The following CCDC102B variants were observed in gnomAD, a reference collection of about 807,000 sequenced individuals.
CCDC102B encodes the protein coiled-coil domain-containing protein 102B.
Under a neutral mutation model 57.4 loss-of-function variants are expected in CCDC102B, and 75 were observed. The ratio of observed to expected loss-of-function variants is 1.31; its 90% CI spans 1.08 to 1.58. CCDC102B has a LOEUF of 1.58. Ranked by LOEUF, CCDC102B falls within the 40% of genes most tolerant of loss-of-function variation. The pLI is 0.00. For synonymous variants in CCDC102B, 206 were observed against 201.9 expected (o/e 1.02, Z -0.17); for missense variants, 636 against 582.6 (o/e 1.09, Z -0.94).
intron 5 of CCDC102B, among the ~76,000 whole-genome samples, chr18:68,876,665 G>T (rs2039460791): frequency 6.6e-6 from 1 of 152,134 alleles, no homozygotes; most frequent in Non-Finnish European, 1.5e-5. Flanking sequence ...ATGGTTACAT[G>T]ATTTTGGAGC....
At chr18:68,871,994 A>G (rs941323075) in intron 4 of CCDC102B, among the ~76,000 whole-genome samples, 7 of 152,298 alleles carry the variant, frequency 4.6e-5, no homozygotes, top group African/African-American at 1.4e-4. Flanking sequence ...GGAGAGAAGT[A>G]ACTGGATTTA....
At chr18:68,880,152 C>T (rs2039628867) in intron 5 of CCDC102B, among the ~76,000 whole-genome samples, 1 of 152,210 alleles carries the variant, frequency 6.6e-6, no homozygotes, top group Non-Finnish European at 1.5e-5. Context: ...CCCAAGGCAG[C>T]TAAGGCCCGG....
intron 6 of CCDC102B, among the ~76,000 whole-genome samples, chr18:68,996,656 C>T (rs2051036491): frequency 6.6e-6 from 1 of 152,170 alleles, no homozygotes; most frequent in Admixed American, 6.5e-5. Flanking sequence ...GCTGTATTTA[C>T]CCAATACCTT....
chr18:68,873,219 G>A (rs887334308), intron 4 of CCDC102B, among the ~76,000 whole-genome samples: 9 of 152,002 alleles, frequency 5.9e-5, no homozygotes, highest in African/African-American at 2.2e-4. Flanking sequence ...TAACTCTGTG[G>A]TATTATCTCT....
At chr18:68,910,355 GC>G (rs1182679020) in intron 6 of CCDC102B, among the ~76,000 whole-genome samples, 1 of 152,140 alleles carries the variant, frequency 6.6e-6, no homozygotes, top group Admixed American at 6.5e-5. Flanking sequence ...AACATGGAGA[GC>G]AACTCTTTTT....
chr18:68,823,206 C>T (rs551770199), intron 1 of CCDC102B, among the ~76,000 whole-genome samples: 3 of 152,310 alleles, frequency 2.0e-5, no homozygotes, highest in South Asian at 2.1e-4. Flanking sequence ...ATAGGTGTTA[C>T]CAAATTCTTT....
rs370669359 is a variant in CCDC102B, at chr18:68,925,307, A to G, written c.1263+27879A>G. Among the ~76,000 whole-genome samples, 314 of 152,134 alleles carry G rather than the reference A, an allele frequency of 2.1e-3. 2 individuals are homozygous for G. The highest frequency in any genetic ancestry group is 7.3e-3 in the African/African-American group (304 of 41,532). On this transcript the variant is annotated intron_variant, in intron 6 of 7. Transcript: ENST00000360242. ...ACCACTCCCCAGAGTCTGATAAATCAATCTGGCTTGCTGTGATGGTATCAG... is the reference window on the plus strand; with the variant it reads ...ACCACTCCCCAGAGTCTGATAAATCGATCTGGCTTGCTGTGATGGTATCAG...
In CCDC102B at chr18:68,874,674, C is replaced by T; in HGVS notation, c.942C>T (p.Asp314=). Residue 314 remains aspartate (D), a synonymous_variant, in exon 5 of 8, where the codon GAC becomes GAT. Coordinates refer to ENST00000360242, the MANE Select transcript of CCDC102B (RefSeq NM_024781.3). ...ESKPKNVKEF[D]ILLGQHNDEM... ...ATTTCAACTTTCTTTTTCAGTTTGA[C>T]ATTCTTCTTGGTCAACATAATGATG... 6.2e-7 allele frequency: 1 copy of T among 1,601,056 alleles called. No individual in the cohort carries two copies. Among genetic ancestry groups the T allele is most frequent in the Non-Finnish European group, 8.6e-7 (1 of 1,169,086 alleles).
intron 4 of CCDC102B, among the ~76,000 whole-genome samples, chr18:68,862,225 A>G (rs2038792072): frequency 6.6e-6 from 1 of 152,186 alleles, no homozygotes; most frequent in African/African-American, 2.4e-5. Flanking sequence ...TATCCTTTGT[A>G]ACCTTGTGGA....
intron 6 of CCDC102B, among the ~76,000 whole-genome samples, chr18:68,998,386 TACATAC>T (rs2051091729): frequency 2.1e-5 from 3 of 144,564 alleles, no homozygotes; most frequent in Non-Finnish European, 4.5e-5. Context: ...TACATACATC[TACATAC>T]ACATACATCT....
intron 7 of CCDC102B, among the ~76,000 whole-genome samples, chr18:69,027,015 G>A (rs889925862): frequency 3.9e-5 from 6 of 152,182 alleles, no homozygotes; most frequent in Admixed American, 2.0e-4. Context: ...CGTCCATCAC[G>A]AATTGAGGGA....
chr18:68,741,307 A>G (rs565798044), intron 2 of CCDC102B, among the ~76,000 whole-genome samples: 1 of 152,200 alleles, frequency 6.6e-6, no homozygotes, highest in Non-Finnish European at 1.5e-5. Flanking sequence ...GGGTCAAGCC[A>G]GTGTTAGCTA....
At chr18:69,009,942 T>TTTTTTTTC (rs2051460399) in intron 6 of CCDC102B, among the ~76,000 whole-genome samples, 1 of 99,848 alleles carries the variant, frequency 1.0e-5, no homozygotes, top group Non-Finnish European at 2.1e-5. Context: ...TTTTTTTTTT[T>TTTTTTTTC]TTTTTTTGAG....
intron 6 of CCDC102B, among the ~76,000 whole-genome samples, chr18:68,923,859 A>G (rs1266700817): frequency 6.6e-6 from 1 of 152,066 alleles, no homozygotes; most frequent in Non-Finnish European, 1.5e-5. Flanking sequence ...ATAATAATGA[A>G]TATATGGATC....
intron 5 of CCDC102B, among the ~76,000 whole-genome samples, chr18:68,889,653 G>A (rs920042362): frequency 6.6e-6 from 1 of 152,016 alleles, no homozygotes; most frequent in African/African-American, 2.4e-5. Flanking sequence ...TGGTCAAGCT[G>A]GTCTCAAACT....
chr18:68,771,522 C>T (rs769252514), intron 2 of CCDC102B, among the ~76,000 whole-genome samples: 182 of 152,232 alleles, frequency 1.2e-3, no homozygotes, highest in Non-Finnish European at 2.0e-3. Context: ...TACTTAACTG[C>T]CTCACCTTAT....
intron 5 of CCDC102B, among the ~76,000 whole-genome samples, chr18:68,882,896 C>T (rs2039743229): frequency 6.6e-6 from 1 of 152,194 alleles, no homozygotes; most frequent in African/African-American, 2.4e-5. Context: ...AACAGAAAAC[C>T]AAATACTGCA....
intron 7 of CCDC102B, among the ~76,000 whole-genome samples, chr18:69,012,668 C>T (rs907691329): frequency 1.3e-5 from 2 of 152,124 alleles, no homozygotes; most frequent in South Asian, 4.1e-4. Flanking sequence ...TCATGTCTCA[C>T]GTCCTGAGGC....
At chr18:68,929,394 T>G (rs1244898564) in intron 6 of CCDC102B, among the ~76,000 whole-genome samples, 1 of 151,914 alleles carries the variant, frequency 6.6e-6, no homozygotes, top group Non-Finnish European at 1.5e-5. Flanking sequence ...GTTTTCCACT[T>G]TACAAAAGCA....
Sources: gnomAD v4.1 joint callset for allele counts (sites outside exome capture counted in the v4.1 genomes callset) on GRCh38, gnomAD v4.1.1 for gene constraint, MANE v1.5 for transcripts, NCBI Gene and HGNC (gene_info 2026-07-23, HGNC 2026-07-21) for gene names.